Variants in ADAMTS12 observed in about 807,000 individuals in gnomAD.
ADAMTS12 encodes ADAM metallopeptidase with thrombospondin type 1 motif 12.
A neutral mutation model predicts 167.8 loss-of-function variants in ADAMTS12; 118 were observed. That is an observed-to-expected ratio of 0.70 (90% CI 0.61 to 0.82). The LOEUF (loss-of-function observed/expected upper bound fraction) is 0.82, where lower values mean the gene tolerates loss of function less well. ADAMTS12 is among the 40% of genes least tolerant of loss of function. ADAMTS12 has a pLI of 0.00. For synonymous variants in ADAMTS12, 704 were observed against 716.9 expected (o/e 0.98, Z 0.29); for missense variants, 1,916 against 1,998.8 (o/e 0.96, Z 0.79).
chr5:33,726,767 G>T (rs1743996343), intron 3 of ADAMTS12, among the ~76,000 whole-genome samples: 1 of 152,074 alleles, frequency 6.6e-6, no homozygotes, highest in African/African-American at 2.4e-5. Context: ...ATTCAAATAT[G>T]CAAGTGCAGA....
At chr5:33,537,909 A>G (rs763090192) in intron 22 of ADAMTS12, among the ~76,000 whole-genome samples, 14 of 152,258 alleles carry the variant, frequency 9.2e-5, no homozygotes, top group Admixed American at 6.5e-5. Flanking sequence ...CCATCAAAAC[A>G]TACATGCACA....
intron 5 of ADAMTS12, among the ~76,000 whole-genome samples, chr5:33,664,574 G>A (rs1012425219): frequency 1.2e-4 from 18 of 152,034 alleles, no homozygotes; most frequent in African/African-American, 4.3e-4. Context: ...TTATCATCAA[G>A]GAAATGCAAA....
At chr5:33,858,474 T>C (rs1749487925) in intron 2 of ADAMTS12, among the ~76,000 whole-genome samples, 1 of 151,856 alleles carries the variant, frequency 6.6e-6, no homozygotes, top group Non-Finnish European at 1.5e-5. Flanking sequence ...CAAGGCAACA[T>C]AGTGAGACCC....
At chr5:33,624,896 A>G (rs888870623) in intron 13 of ADAMTS12, among the ~76,000 whole-genome samples, 59 of 152,332 alleles carry the variant, frequency 3.9e-4, no homozygotes, top group African/African-American at 1.3e-3. Context: ...TTGTTTGGGA[A>G]CAATTGTGTC....
At chr5:33,543,097 C>T (rs931111095) in intron 22 of ADAMTS12, among the ~76,000 whole-genome samples, 10 of 151,994 alleles carry the variant, frequency 6.6e-5, no homozygotes, top group Non-Finnish European at 1.3e-4. Flanking sequence ...AAAAGATCAA[C>T]AAAATTGATA....
chr5:33,776,604 G>A (rs1295698572), intron 2 of ADAMTS12, among the ~76,000 whole-genome samples: 5 of 151,904 alleles, frequency 3.3e-5, no homozygotes, highest in African/African-American at 9.7e-5. Context: ...AGCAATAAAC[G>A]CCTCCATTAA....
intron 5 of ADAMTS12, among the ~76,000 whole-genome samples, chr5:33,666,793 C>G (rs1741487656): frequency 6.6e-6 from 1 of 152,138 alleles, no homozygotes; most frequent in Admixed American, 6.5e-5. Context: ...GCCCGGCCAC[C>G]ATACAGGGTC....
At chr5:33,736,777 A>G (rs10061994) in intron 3 of ADAMTS12, among the ~76,000 whole-genome samples, 4,325 of 152,250 alleles carry the variant, frequency 0.028, 208 homozygotes, top group African/African-American at 0.1. Flanking sequence ...ACCGGTCTCC[A>G]TACTGTGATC....
intron 2 of ADAMTS12, among the ~76,000 whole-genome samples, chr5:33,792,668 C>T (rs1746622640): frequency 6.6e-6 from 1 of 152,222 alleles, no homozygotes; most frequent in Non-Finnish European, 1.5e-5. Context: ...GCAGAACAGA[C>T]TGACACTTGG....
At position 33,524,837 on chromosome 5, in the gene ADAMTS12, CT is replaced by C. The variant is rs1743740292; in HGVS notation, c.*2350del. ...AAATAATTAGGAGCCAATGTTCTGCCTTTGAGAAACTGGAAAAAGACCTAGA... is the reference window on the plus strand; with the variant it reads ...AAATAATTAGGAGCCAATGTTCTGCCTTGAGAAACTGGAAAAAGACCTAGA... On this transcript the variant is annotated 3_prime_UTR_variant, in exon 24 of 24. Transcript: ENST00000504830. 1 of 152,224 alleles carries C rather than the reference CT, an allele frequency of 6.6e-6. No homozygotes were observed. The highest frequency in any genetic ancestry group is 2.4e-5 in the African/African-American group (1 of 41,444). 9.4% of individuals were successfully genotyped at this position (152,224 alleles called of 1,614,324 possible). A position where few individuals can be genotyped will look rare whatever the true frequency, so the allele number is the denominator to read the frequency against.
At chr5:33,609,521 C>A (rs1738621326) in intron 16 of ADAMTS12, among the ~76,000 whole-genome samples, 1 of 151,890 alleles carries the variant, frequency 6.6e-6, no homozygotes. Flanking sequence ...CAGGCGCCCA[C>A]CACCACCACA....
chr5:33,721,054 T>A (rs953601987), intron 3 of ADAMTS12, among the ~76,000 whole-genome samples: 3 of 152,318 alleles, frequency 2.0e-5, no homozygotes, highest in East Asian at 3.9e-4. Flanking sequence ...AAGAATGATA[T>A]GCAACCACAT....
intron 2 of ADAMTS12, among the ~76,000 whole-genome samples, chr5:33,821,141 C>T (rs1348437715): frequency 6.6e-6 from 1 of 151,968 alleles, no homozygotes; most frequent in Non-Finnish European, 1.5e-5. Context: ...TAATAACAAT[C>T]ATCATCATCA....
At chr5:33,836,896 G>A (rs566457345) in intron 2 of ADAMTS12, among the ~76,000 whole-genome samples, 4 of 151,774 alleles carry the variant, frequency 2.6e-5, no homozygotes, top group South Asian at 4.2e-4. Context: ...TCTGGCCTCC[G>A]GGAGAGTCTG....
chr5:33,598,922 A>T (rs1159402796), intron 16 of ADAMTS12, among the ~76,000 whole-genome samples: 1 of 152,184 alleles, frequency 6.6e-6, no homozygotes, highest in East Asian at 1.9e-4. Flanking sequence ...AAGCAACTTC[A>T]TCTGCTGCAT....
At chr5:33,786,111 A>G (rs1373663341) in intron 2 of ADAMTS12, among the ~76,000 whole-genome samples, 1 of 152,232 alleles carries the variant, frequency 6.6e-6, no homozygotes, top group Admixed American at 6.5e-5. Context: ...TTTAAAATGC[A>G]TCTAATGAAA....
At chr5:33,871,066 C>T (rs1750022182) in intron 2 of ADAMTS12, among the ~76,000 whole-genome samples, 1 of 151,890 alleles carries the variant, frequency 6.6e-6, no homozygotes, top group Non-Finnish European at 1.5e-5. Flanking sequence ...GAACAATGAA[C>T]AAATCAATAC....
In ADAMTS12 at chr5:33,588,703, G is replaced by C. The variant is rs1208202154; in HGVS notation, c.2761C>G (p.Leu921Val). The change falls in exon 18 of 24, where the codon CTC becomes GTC. Residue 921 changes from leucine (L) to valine (V), a missense_variant. Coordinates refer to ENST00000504830, the MANE Select transcript of ADAMTS12 (RefSeq NM_030955.4). ...IQTMVSDEQA[L>V]PPTDCQHLLK... Reference sequence around the variant, plus strand: ...AGGTGCTGGCAGTCTGTGGGCGGGAGAGCCTGCTCGTCAGAGACCATGGTC... The same window carrying C: ...AGGTGCTGGCAGTCTGTGGGCGGGACAGCCTGCTCGTCAGAGACCATGGTC... 1 of 1,614,144 alleles carries C rather than the reference G, an allele frequency of 6.2e-7. No individual in the cohort carries two copies. Among genetic ancestry groups the C allele is most frequent in the South Asian group, 1.1e-5 (1 of 91,078 alleles).
intron 11 of ADAMTS12, 132 bp downstream of exon 11, chr5:33,641,678 G>C (rs1740450247): frequency 2.0e-5 from 18 of 901,934 alleles, no homozygotes; most frequent in Non-Finnish European, 2.8e-5. Context: ...TTCTTGTTCT[G>C]TTTTGTCCTG....
Sources: allele counts gnomAD v4.1 joint callset (sites outside exome capture counted in the v4.1 genomes callset), GRCh38; gene constraint gnomAD v4.1.1; transcripts MANE v1.5; gene names NCBI Gene and HGNC (gene_info 2026-07-23, HGNC 2026-07-21).